Variants in COL2A1 observed in about 807,000 individuals in gnomAD.
COL2A1 encodes the protein collagen type II alpha 1 chain.
COL2A1 carries 28 observed loss-of-function variants against 204.5 expected under a neutral mutation model. That is an observed-to-expected ratio of 0.14 (90% CI 0.10 to 0.19). The LOEUF (loss-of-function observed/expected upper bound fraction) is 0.19. Ranked by LOEUF, COL2A1 falls within the 10% of genes least tolerant of loss-of-function variation. The pLI, the probability that COL2A1 is intolerant of heterozygous loss-of-function variation, is 1.00. For synonymous variants in COL2A1, 708 were observed against 718.7 expected, an observed-to-expected ratio of 0.99 and a Z score of 0.24; for missense variants, 1,388 against 2,027.5, an observed-to-expected ratio of 0.68 and a Z score of 6.06.
chr12:47,977,495 T>G, intron 45 of COL2A1, 68 bp from the exon 46 acceptor site: 1 of 1,585,204 alleles, frequency 6.3e-7, no homozygotes, highest in Admixed American at 1.7e-5. Context: ...AAGGTCCTTC[T>G]AGGCTGAGAT....
intron 2 of COL2A1, among the ~76,000 whole-genome samples, chr12:47,999,163 A>G (rs2136633152): frequency 6.6e-6 from 1 of 152,254 alleles, no homozygotes; most frequent in South Asian, 2.1e-4. Context: ...AAACCTACAC[A>G]AGCGTCCCCA....
Position 47,977,352 on chromosome 12 carries a change from G to C in COL2A1, c.3241C>G (p.Pro1081Ala). 1 of 1,613,692 alleles carries C rather than the reference G, an allele frequency of 6.2e-7. No individual in the cohort carries two copies. The highest frequency in any genetic ancestry group is 8.5e-7 in the Non-Finnish European group (1 of 1,179,638). Residue 1081 changes from proline (P) to alanine (A), a missense_variant, in exon 46 of 54, where the codon CCA becomes GCA. Physicochemically the swap from Pro to Ala is conservative, Grantham distance 27. Transcript: ENST00000380518. ...CCTCTGTCTCCTTGCTTGCCAGTTG[G>C]ACCAGCGGGGCCAGGGGAGCCAGGG... ...GPPGSPGPAGPTGKQGDRGEA... is the reference protein window; with the variant it reads ...GPPGSPGPAGATGKQGDRGEA...
At chr12:47,990,597 G>A (rs759522618) in intron 16 of COL2A1, among the ~76,000 whole-genome samples, 19 of 152,164 alleles carry the variant, frequency 1.2e-4, no homozygotes, top group Non-Finnish European at 1.3e-4. Flanking sequence ...CTGCTCTTAC[G>A]GAAAACAAAG....
At chr12:47,990,909 T>TAG (rs1939672069) in intron 16 of COL2A1, among the ~76,000 whole-genome samples, 1 of 152,172 alleles carries the variant, frequency 6.6e-6, no homozygotes, top group Non-Finnish European at 1.5e-5. Flanking sequence ...GGGGGGTACC[T>TAG]TTTCCTGCTG....
At chr12:48,004,871 G>A (rs2136655204), upstream of COL2A1, among the ~76,000 whole-genome samples, 1 of 152,328 alleles carries the variant, frequency 6.6e-6, no homozygotes, top group East Asian at 1.9e-4. Context: ...CCTAGACCAA[G>A]GACGGAAAAG....
In COL2A1 at chr12:47,982,178, C is replaced by A. The variant is rs1350295192; in HGVS notation, c.2302-18G>T. 6.2e-7 allele frequency: 1 copy of A among 1,610,768 alleles called. No individual in the cohort carries two copies. The highest frequency in any genetic ancestry group is 2.2e-5 in the East Asian group (1 of 44,844). ...ACGTCACCCTGAGGGAAGAGAAAACCAGCCGCCTCAGCCAGGCACCCCAGG... is the reference window on the plus strand; with the variant it reads ...ACGTCACCCTGAGGGAAGAGAAAACAAGCCGCCTCAGCCAGGCACCCCAGG... On this transcript the variant is annotated intron_variant, in intron 34 of 53. Transcript: ENST00000380518.
At position 47,976,486 on chromosome 12, in the gene COL2A1, C is replaced by T. The variant is rs753415238; in HGVS notation, c.3489+28G>A. 2.7e-5 allele frequency: 44 copies of T among 1,613,168 alleles called. No individual in the cohort carries two copies. The highest frequency in any genetic ancestry group is 4.5e-5 in the East Asian group (2 of 44,888). ...AGGCCCACACTCTCTGAAGGGCCCCCTCCATCTTCCAACTCCATGTCACTT... is the reference window on the plus strand; with the variant it reads ...AGGCCCACACTCTCTGAAGGGCCCCTTCCATCTTCCAACTCCATGTCACTT... On this transcript the variant is annotated intron_variant, in intron 49 of 53. Transcript: ENST00000380518. This position sits in a 1 kb window ranked among gnomAD's most constrained non-coding sequence, Gnocchi z 4.3.
intron 1 of COL2A1, among the ~76,000 whole-genome samples, chr12:48,001,426 C>T (rs1940226803): frequency 6.6e-6 from 1 of 152,212 alleles, no homozygotes; most frequent in South Asian, 2.1e-4. Context: ...GGGACACACC[C>T]GCCGTTAAAA....
At chr12:47,993,399 A>C in intron 15 of COL2A1, 59 bp downstream of exon 15, 1 of 1,279,778 alleles carries the variant, frequency 7.8e-7, no homozygotes, top group South Asian at 1.2e-5. Flanking sequence ...AGCTCTTTGC[A>C]GCCATCTGAT....
chr12:47,992,983 G>T, intron 15 of COL2A1, 52 bp from the exon 16 acceptor site: 1 of 1,574,400 alleles, frequency 6.4e-7, no homozygotes. Context: ...ACGGTGCTCA[G>T]GGTGACCATT....
rs375546455 is a variant in COL2A1 at position 47,976,597 on chromosome 12, G to A, written c.3436-30C>T. ...GTAGAAGGAAGAGGCAAAAGGCCAC[G>A]GTCAGCACAGACATATCTATCTATA... On this transcript the variant is annotated intron_variant, in intron 48 of 53. Coordinates refer to ENST00000380518, the MANE Select transcript of COL2A1 (RefSeq NM_001844.5). This position sits in a 1 kb window ranked among gnomAD's most constrained non-coding sequence, Gnocchi z 4.3. 790 of 1,609,442 alleles carry A rather than the reference G, an allele frequency of 4.9e-4. 5 individuals carry two copies. The South Asian group carries it at 8.0e-3, about 16-fold the overall frequency.
chr12:47,984,162 A>G, intron 28 of COL2A1, 22 bp from the exon 29 acceptor site: 1 of 1,611,526 alleles, frequency 6.2e-7, no homozygotes, highest in Non-Finnish European at 8.5e-7. Flanking sequence ...AGAAAAAGAA[A>G]AGTCAATGAC....
chr12:48,005,040 G>C (rs369499856), upstream of COL2A1, among the ~76,000 whole-genome samples: 127 of 152,126 alleles, frequency 8.3e-4, 1 homozygote, highest in African/African-American at 3.0e-3. Context: ...GGGTTACCCC[G>C]ACCTATCTTT....
At chr12:47,985,854 G>A in intron 24 of COL2A1, 28 bp from the exon 25 acceptor site, 2 of 1,591,962 alleles carry the variant, frequency 1.3e-6, no homozygotes, top group Non-Finnish European at 8.6e-7. Flanking sequence ...GAGTCAGTGG[G>A]ATACCATGTG....
intron 17 of COL2A1, among the ~76,000 whole-genome samples, 183 bp from the exon 18 acceptor site, chr12:47,989,464 T>C (rs375164436): frequency 2.0e-5 from 3 of 152,160 alleles, no homozygotes; most frequent in East Asian, 3.9e-4. Flanking sequence ...TTTGCCTGGC[T>C]TCAGAAGGCA....
At chr12:48,005,567 C>G, upstream of COL2A1, 1 of 152,276 alleles carries the variant, frequency 6.6e-6, no homozygotes, top group East Asian at 1.9e-4. Context: ...CTTGCCGCCT[C>G]ACCTCACCTT....
Position 47,987,373 on chromosome 12 carries a change from C to T in COL2A1, c.1222-60G>A, listed in dbSNP as rs1326565529. 2 of 1,578,070 alleles carry T rather than the reference C, an allele frequency of 1.3e-6. No individual in the cohort carries two copies. On this transcript the variant is annotated intron_variant, in intron 19 of 53. Coordinates refer to ENST00000380518, the MANE Select transcript of COL2A1 (RefSeq NM_001844.5). This position sits in a 1 kb window ranked among gnomAD's most constrained non-coding sequence, Gnocchi z 4.1. ...GAATGAACCCCAACCACCTCCAGCC[C>T]TCCAGGATCCAGATCCAGGGACCTG...
chr12:47,979,140 G>A (rs1938897265), intron 41 of COL2A1, among the ~76,000 whole-genome samples: 1 of 152,068 alleles, frequency 6.6e-6, no homozygotes, highest in Non-Finnish European at 1.5e-5. Context: ...AACCCAGTGA[G>A]TTCATCACCA....
At position 47,976,926 on chromosome 12, in the gene COL2A1, A is replaced by G; in HGVS notation, c.3328-7T>C. ...CTCTGGGGCCTTGAGGACCCTGGGAACAAGACAGACACCGATTGAGTCAGG... is the reference window on the plus strand; with the variant it reads ...CTCTGGGGCCTTGAGGACCCTGGGAGCAAGACAGACACCGATTGAGTCAGG... On this transcript the variant is annotated splice_region_variant and splice_polypyrimidine_tract_variant and intron_variant, in intron 47 of 53. Coordinates refer to ENST00000380518, the MANE Select transcript of COL2A1 (RefSeq NM_001844.5). The surrounding 1 kb of genome is among the most constrained non-coding windows in gnomAD (Gnocchi z 4.3). 1 of 1,596,870 alleles carries G rather than the reference A, an allele frequency of 6.3e-7. No homozygotes were observed. Among genetic ancestry groups the G allele is most frequent in the Non-Finnish European group, 8.5e-7 (1 of 1,170,340 alleles).
Sources: allele counts gnomAD v4.1 joint callset (sites outside exome capture counted in the v4.1 genomes callset), GRCh38; gene constraint gnomAD v4.1.1; non-coding constraint Gnocchi (gnomAD v3.1); transcripts MANE v1.5; gene names NCBI Gene and HGNC (gene_info 2026-07-23, HGNC 2026-07-21).